CCSER1: variants seen among roughly 807,000 people sequenced by gnomAD.
CCSER1 encodes the protein serine-rich coiled-coil domain-containing protein 1.
In CCSER1, 41 loss-of-function variants were observed where a neutral mutation model predicts 82.0. That is an observed-to-expected ratio of 0.50 (90% CI 0.39 to 0.65). The LOEUF (loss-of-function observed/expected upper bound fraction) is 0.65, where lower values mean the gene tolerates loss of function less well. Among genes scored for constraint, CCSER1 ranks in the 30% least tolerant of loss-of-function variants. CCSER1 has a pLI of 0.00. For synonymous variants in CCSER1, 414 were observed against 383.9 expected (o/e 1.08, Z -0.92); for missense variants, 1,119 against 1,064.2 (o/e 1.05, Z -0.72).
chr4:90,889,481 C>T (rs554294258), intron 8 of CCSER1, among the ~76,000 whole-genome samples: 38 of 152,192 alleles, frequency 2.5e-4, no homozygotes, highest in Admixed American at 3.3e-4. Context: ...GAATCTAGAA[C>T]TGTTTTCAAT....
intron 5 of CCSER1, among the ~76,000 whole-genome samples, chr4:90,577,041 G>A (rs982566693): frequency 1.3e-5 from 2 of 152,060 alleles, no homozygotes; most frequent in African/African-American, 2.4e-5. Flanking sequence ...AGCATGTTGT[G>A]TTATTAATGT....
At chr4:90,255,399 T>C (rs1457488511) in intron 1 of CCSER1, among the ~76,000 whole-genome samples, 1 of 152,170 alleles carries the variant, frequency 6.6e-6, no homozygotes, top group Non-Finnish European at 1.5e-5. Context: ...CCATTTTGTT[T>C]TGCCTGTCCT....
chr4:91,379,633 T>C (rs2149335267), intron 10 of CCSER1, among the ~76,000 whole-genome samples: 1 of 152,342 alleles, frequency 6.6e-6, no homozygotes, highest in Admixed American at 6.5e-5. Flanking sequence ...TCTACTTGAT[T>C]CTTCTCTCTG....
At position 90,733,793 on chromosome 4, in the gene CCSER1, G is replaced by A. The variant is rs1045020728; in HGVS notation, c.2010+9802G>A. On this transcript the variant is annotated intron_variant, in intron 7 of 10. Coordinates refer to ENST00000509176, the MANE Select transcript of CCSER1 (RefSeq NM_001145065.2). ...TTATTAAAGAGATTTTCCTTTCCCC[G>A]ATGCATGTCTAGGCACTTTTGTCAA... Among the ~76,000 whole-genome samples, 7 of 151,934 alleles carry A rather than the reference G, an allele frequency of 4.6e-5. No homozygotes were observed. The East Asian group carries it at 7.7e-4, about 17-fold the overall frequency.
At chr4:90,534,970 G>A (rs955347869) in intron 5 of CCSER1, among the ~76,000 whole-genome samples, 18 of 152,098 alleles carry the variant, frequency 1.2e-4, no homozygotes, top group Non-Finnish European at 2.6e-4. Context: ...ATCAGAATCT[G>A]TATTTAACAA....
chr4:91,247,487 G>A (rs776735486), intron 10 of CCSER1, among the ~76,000 whole-genome samples: 7 of 152,038 alleles, frequency 4.6e-5, no homozygotes, highest in East Asian at 3.9e-4. Flanking sequence ...ATATTTCCTC[G>A]GTCTCTCAAC....
At chr4:91,155,168 A>G (rs942989408) in intron 10 of CCSER1, among the ~76,000 whole-genome samples, 1 of 151,928 alleles carries the variant, frequency 6.6e-6, no homozygotes, top group Non-Finnish European at 1.5e-5. Flanking sequence ...GTCTCCAACC[A>G]AATCTCACCT....
chr4:90,387,573 G>A (rs1750251933), intron 3 of CCSER1, among the ~76,000 whole-genome samples: 1 of 152,174 alleles, frequency 6.6e-6, no homozygotes, highest in South Asian at 2.1e-4. Context: ...ATTTAGGATG[G>A]TGGCTTTGGG....
At chr4:90,372,540 A>C (rs1338371116) in intron 3 of CCSER1, among the ~76,000 whole-genome samples, 1 of 152,060 alleles carries the variant, frequency 6.6e-6, no homozygotes, top group Non-Finnish European at 1.5e-5. Context: ...ACTTGAGGTT[A>C]GAAGTTCGAG....
At chr4:90,504,568 G>A (rs373495475) in intron 5 of CCSER1, among the ~76,000 whole-genome samples, 3 of 152,054 alleles carry the variant, frequency 2.0e-5, no homozygotes, top group South Asian at 2.1e-4. Flanking sequence ...CTAGTTCTTC[G>A]GGACTGGCCA....
chr4:90,580,274 C>T (rs1362689548), intron 5 of CCSER1, among the ~76,000 whole-genome samples: 1 of 152,076 alleles, frequency 6.6e-6, no homozygotes. Flanking sequence ...GGTTCTCCTC[C>T]TTACTAATTA....
chr4:91,596,225 C>T (rs1764571459), intron 10 of CCSER1, among the ~76,000 whole-genome samples: 1 of 151,642 alleles, frequency 6.6e-6, no homozygotes, highest in Non-Finnish European at 1.5e-5. Context: ...ATATAATATG[C>T]CAGGAGAATT....
At chr4:91,520,904 T>C (rs1760424848) in intron 10 of CCSER1, among the ~76,000 whole-genome samples, 1 of 152,216 alleles carries the variant, frequency 6.6e-6, no homozygotes, top group African/African-American at 2.4e-5. Context: ...TTTTTTATTA[T>C]ACTTTAAGTT....
chr4:91,236,435 A>G lies in CCSER1; in HGVS notation c.2217+150441A>G, dbSNP rs547611142. Among the ~76,000 whole-genome samples the G allele has an allele frequency of 2.0e-4, 30 of 151,916 alleles. 1 individual carries two copies. The South Asian group carries it at 5.9e-3, about 30-fold the overall frequency. On this transcript the variant is annotated intron_variant, in intron 10 of 10. Coordinates refer to ENST00000509176, the MANE Select transcript of CCSER1 (RefSeq NM_001145065.2). Reference sequence around the variant, plus strand: ...GAGGTGGAGGTTGCAGTGAGCCGAGATCACACCACTGCACTCCAGCCTGGG... The same window carrying G: ...GAGGTGGAGGTTGCAGTGAGCCGAGGTCACACCACTGCACTCCAGCCTGGG...
chr4:90,531,102 T>C (rs1275379625), intron 5 of CCSER1, among the ~76,000 whole-genome samples: 1 of 152,168 alleles, frequency 6.6e-6, no homozygotes, highest in Non-Finnish European at 1.5e-5. Context: ...ATTAGTTTTA[T>C]ATGAATTGCA....
chr4:90,913,526 A>G (rs1726778758), intron 8 of CCSER1, among the ~76,000 whole-genome samples: 1 of 152,246 alleles, frequency 6.6e-6, no homozygotes, highest in Admixed American at 6.5e-5. Context: ...AATACCAGCC[A>G]CTGCAAAAAG....
At chr4:90,495,683 T>G (rs749566596) in intron 5 of CCSER1, among the ~76,000 whole-genome samples, 2 of 152,216 alleles carry the variant, frequency 1.3e-5, no homozygotes, top group Non-Finnish European at 2.9e-5. Flanking sequence ...TATCATAATG[T>G]CATTTATTTT....
intron 5 of CCSER1, among the ~76,000 whole-genome samples, chr4:90,513,331 G>A (rs1771818529): frequency 6.6e-6 from 1 of 152,148 alleles, no homozygotes; most frequent in African/African-American, 2.4e-5. Context: ...ACAGGTAATA[G>A]GTAAGAACCA....
chr4:91,594,140 ATT>A (rs71872166), intron 10 of CCSER1, among the ~76,000 whole-genome samples: 14,991 of 151,898 alleles, frequency 0.099, 756 homozygotes, highest in Middle Eastern at 0.16. Context: ...CTTAATTCTG[ATT>A]TTGAGAAAGA....
Sources: gnomAD v4.1 joint callset for allele counts (sites outside exome capture counted in the v4.1 genomes callset) on GRCh38, gnomAD v4.1.1 for gene constraint, MANE v1.5 for transcripts, NCBI Gene and HGNC (gene_info 2026-07-23, HGNC 2026-07-21) for gene names.